The following ABCB11 variants were observed in gnomAD, a reference collection of about 807,000 sequenced individuals.
The protein encoded by ABCB11 is bile salt export pump.
A neutral mutation model predicts 148.0 loss-of-function variants in ABCB11; 95 were observed. That is an observed-to-expected ratio of 0.64 (90% CI 0.54 to 0.76). The LOEUF (loss-of-function observed/expected upper bound fraction) is 0.76, where lower values mean the gene tolerates loss of function less well. ABCB11 is among the 30% of genes least tolerant of loss of function. The pLI is 0.00. For missense variants in ABCB11, 1,523 were observed against 1,617.8 expected (o/e 0.94, Z 1.01); for synonymous variants, 591 against 555.4 (o/e 1.06, Z -0.90).
At chr2:168,949,511 T>G (rs55700007) in intron 19 of ABCB11, among the ~76,000 whole-genome samples, 23,486 of 151,672 alleles carry the variant, frequency 0.15, 2,157 homozygotes, top group East Asian at 0.34. Context: ...GTTCTGTCCA[T>G]GTTGCTGCAA....
In ABCB11 at chr2:168,945,895, G is replaced by T. The variant is rs576524427; in HGVS notation, c.2344-934C>A. ...GGAGAGAAAAAAATTTCATTCATCT[G>T]ATATTGAGGTTGTTGCCTCTAACTC... On this transcript the variant is annotated intron_variant, in intron 19 of 27. Coordinates refer to ENST00000650372, the MANE Select transcript of ABCB11 (RefSeq NM_003742.4). Among the ~76,000 whole-genome samples the T allele has an allele frequency of 1.8e-3, 277 of 151,942 alleles. 1 individual carries two copies. Among genetic ancestry groups the T allele is most frequent in the Non-Finnish European group, 3.0e-3 (202 of 67,864 alleles).
intron 10 of ABCB11, among the ~76,000 whole-genome samples, chr2:168,982,616 C>T (rs943895340): frequency 6.6e-6 from 1 of 152,080 alleles, no homozygotes. Context: ...ACCATTTATG[C>T]CCAATTACCA....
chr2:168,999,453 A>C (rs1007887632), intron 5 of ABCB11, among the ~76,000 whole-genome samples: 3 of 151,958 alleles, frequency 2.0e-5, no homozygotes, highest in African/African-American at 4.8e-5. Context: ...AGACTCCCTC[A>C]TATTGTCCTT....
intron 10 of ABCB11, among the ~76,000 whole-genome samples, chr2:168,983,029 C>T (rs1694187518): frequency 1.3e-5 from 2 of 152,108 alleles, no homozygotes; most frequent in Admixed American, 6.6e-5. Context: ...GAGTAGCTCA[C>T]TGTACAATGG....
chr2:168,996,570 G>C (rs1390914550), intron 6 of ABCB11, 65 bp downstream of exon 6: 1 of 929,350 alleles, frequency 1.1e-6, no homozygotes, highest in African/African-American at 1.7e-5. Flanking sequence ...GCAACACATT[G>C]CATCTCATTG....
At chr2:168,950,505 T>A (rs1574422617) in intron 19 of ABCB11, among the ~76,000 whole-genome samples, 2 of 151,778 alleles carry the variant, frequency 1.3e-5, no homozygotes, top group East Asian at 3.9e-4. Context: ...TATCTCTTTG[T>A]GGTTTTAATT....
chr2:168,976,149 A>G lies in ABCB11; in HGVS notation c.1308+428T>C, dbSNP rs530385956. Among the ~76,000 whole-genome samples, 24 of 152,272 alleles carry G rather than the reference A, an allele frequency of 1.6e-4. No individual in the cohort carries two copies. The East Asian group carries it at 3.7e-3, about 23-fold the overall frequency. On this transcript the variant is annotated intron_variant, in intron 12 of 27. Transcript: ENST00000650372. ...TTACAGATGGGAAGTAAAAACCTACATAATGGCAGCTTTCCTTTGCCACTT... is the reference window on the plus strand; with the variant it reads ...TTACAGATGGGAAGTAAAAACCTACGTAATGGCAGCTTTCCTTTGCCACTT...
At chr2:169,022,419 C>G (rs934617249) in intron 1 of ABCB11, among the ~76,000 whole-genome samples, 2 of 151,810 alleles carry the variant, frequency 1.3e-5, no homozygotes, top group East Asian at 3.9e-4. Flanking sequence ...TAAGCAAATA[C>G]TAAGTAATTT....
chr2:168,958,156 C>A, intron 18 of ABCB11, 28 bp from the exon 19 acceptor site: 1 of 1,599,188 alleles, frequency 6.3e-7, no homozygotes, highest in Non-Finnish European at 8.6e-7. Flanking sequence ...TTATATTAAT[C>A]ATCTAAATGT....
intron 21 of ABCB11, among the ~76,000 whole-genome samples, chr2:168,940,057 C>G (rs1306952378): frequency 6.6e-6 from 1 of 152,068 alleles, no homozygotes; most frequent in African/African-American, 2.4e-5. Context: ...TCAGACCTCC[C>G]TATTACCTGA....
chr2:168,965,582 A>G (rs889903150), intron 17 of ABCB11, among the ~76,000 whole-genome samples: 9 of 151,798 alleles, frequency 5.9e-5, no homozygotes, highest in African/African-American at 2.2e-4. Flanking sequence ...GGTAAATCCA[A>G]GTTGGGTTAG....
intron 18 of ABCB11, among the ~76,000 whole-genome samples, chr2:168,958,841 C>T (rs1309439791): frequency 6.6e-6 from 1 of 151,596 alleles, no homozygotes; most frequent in East Asian, 2.0e-4. Flanking sequence ...ATCGTTTTTC[C>T]TTGCTATGGA....
intron 17 of ABCB11, among the ~76,000 whole-genome samples, chr2:168,967,246 A>G: frequency 6.6e-6 from 1 of 151,898 alleles, no homozygotes; most frequent in South Asian, 2.1e-4. Context: ...TATACCTTTT[A>G]CATGACAGAG....
intron 12 of ABCB11, 51 bp downstream of exon 12, chr2:168,976,526 A>T (rs1453152751): frequency 4.5e-6 from 5 of 1,114,634 alleles, no homozygotes; most frequent in Non-Finnish European, 6.4e-6. Flanking sequence ...ATGCAAATAA[A>T]TCATCGAAGA....
At chr2:168,945,036 A>G in intron 19 of ABCB11, 75 bp from the exon 20 acceptor site, 1 of 1,073,950 alleles carries the variant, frequency 9.3e-7, no homozygotes, top group Non-Finnish European at 1.3e-6. Flanking sequence ...TTTAAAATGA[A>G]TTTTTCTTAC....
chr2:168,993,016 A>G (rs1694587851), intron 8 of ABCB11, among the ~76,000 whole-genome samples: 1 of 151,952 alleles, frequency 6.6e-6, no homozygotes, highest in East Asian at 1.9e-4. Context: ...GAGTGTTTTT[A>G]GCTGATGTGA....
chr2:168,963,248 C>A (rs1383888763), intron 18 of ABCB11, among the ~76,000 whole-genome samples: 1 of 151,712 alleles, frequency 6.6e-6, no homozygotes, highest in East Asian at 1.9e-4. Context: ...TTTTTAAAAT[C>A]TCCTGATGCC....
chr2:168,936,287 G>C lies in ABCB11; in HGVS notation c.2757C>G (p.Thr919=). The change falls in exon 22 of 28, where the codon ACC becomes ACG. Residue 919 remains threonine, a synonymous_variant. Coordinates refer to ENST00000650372, the MANE Select transcript of ABCB11 (RefSeq NM_003742.4). ...GAGAGGCAAATCCTGTCAACATCCT[G>C]GTCTGTGTGGCTCCTGATAAAGCCA... ...PFLALSGATQ[T]RMLTGFASRD... 6.2e-7 allele frequency: 1 copy of C among 1,613,888 alleles called. No individual in the cohort carries two copies. Among genetic ancestry groups the C allele is most frequent in the Non-Finnish European group, 8.5e-7 (1 of 1,179,880 alleles).
chr2:169,014,868 A>G (rs1695305090), intron 3 of ABCB11, among the ~76,000 whole-genome samples: 1 of 152,182 alleles, frequency 6.6e-6, no homozygotes, highest in African/African-American at 2.4e-5. Context: ...ATTTCCCATA[A>G]GGCCATGTTT....
Sources: gnomAD v4.1 joint callset for allele counts (sites outside exome capture counted in the v4.1 genomes callset) on GRCh38, gnomAD v4.1.1 for gene constraint, MANE v1.5 for transcripts, NCBI Gene and HGNC (gene_info 2026-07-23, HGNC 2026-07-21) for gene names.